TMPRSS11F: variants seen among roughly 807,000 people sequenced by gnomAD.
TMPRSS11F encodes transmembrane serine protease 11F.
A neutral mutation model predicts 60.2 loss-of-function variants in TMPRSS11F; 47 were observed. The ratio of observed to expected loss-of-function variants is 0.78; its 90% CI spans 0.62 to 1.00. TMPRSS11F has a LOEUF of 1.00. TMPRSS11F is among the 50% of genes least tolerant of loss of function. TMPRSS11F has a pLI of 0.00. For synonymous variants in TMPRSS11F, 166 were observed against 167.3 expected, an observed-to-expected ratio of 0.99 and a Z score of 0.06; for missense variants, 519 against 522.9, an observed-to-expected ratio of 0.99 and a Z score of 0.07.
intron 8 of TMPRSS11F, chr4:68,062,267 T>C (rs1723199336): frequency 2.4e-6 from 1 of 422,986 alleles, no homozygotes. Context: ...TAAAATTAAC[T>C]TCAAATCAAA....
At chr4:68,129,771 C>T in intron 1 of TMPRSS11F, 39 bp downstream of exon 1, 1 of 1,605,860 alleles carries the variant, frequency 6.2e-7, no homozygotes, top group South Asian at 1.1e-5. Context: ...AACCTCTGTC[C>T]CCACTGATAA....
At chr4:68,075,594 T>G (rs1359800276) in intron 3 of TMPRSS11F, among the ~76,000 whole-genome samples, 1 of 152,154 alleles carries the variant, frequency 6.6e-6, no homozygotes, top group Non-Finnish European at 1.5e-5. Flanking sequence ...TAATATATAC[T>G]CAGTGACAAG....
intron 6 of TMPRSS11F, 58 bp downstream of exon 6, chr4:68,069,911 C>CT (rs1283358726): frequency 1.4e-6 from 2 of 1,432,738 alleles, no homozygotes; most frequent in Admixed American, 2.2e-5. Context: ...TTTTCTATAA[C>CT]TTTTTTCATG....
At chr4:68,056,771 T>C (rs910758507) in intron 9 of TMPRSS11F, among the ~76,000 whole-genome samples, 2 of 152,148 alleles carry the variant, frequency 1.3e-5, no homozygotes, top group Admixed American at 1.3e-4. Context: ...GGCCTTATAC[T>C]ACCTGGTTTC....
chr4:68,100,197 T>G (rs1724162185), intron 1 of TMPRSS11F, among the ~76,000 whole-genome samples: 1 of 152,190 alleles, frequency 6.6e-6, no homozygotes, highest in Non-Finnish European at 1.5e-5. Context: ...TGTTCAAGAT[T>G]GCAAGTCTTT....
At chr4:68,085,463 AT>A (rs1267578344) in intron 3 of TMPRSS11F, among the ~76,000 whole-genome samples, 1 of 152,136 alleles carries the variant, frequency 6.6e-6, no homozygotes, top group East Asian at 1.9e-4. Context: ...AGTGGTTTTG[AT>A]TTGCATTTAA....
Position 68,069,955 on chromosome 4 carries a change from G to A in TMPRSS11F, c.553+14C>T, listed in dbSNP as rs770470965. 1.7e-5 allele frequency: 27 copies of A among 1,591,752 alleles called. No individual in the cohort carries two copies. The highest frequency in any genetic ancestry group is 2.3e-5 in the Non-Finnish European group (27 of 1,167,956). ...CTGTGAAATAAACAGTTAATTGTGG[G>A]TTTTGGAACTTACGACTGTTGAGAA... is the stretch of plus-strand genomic sequence containing the variant. On this transcript the variant is annotated intron_variant, in intron 6 of 9. Transcript: ENST00000356291.
At chr4:68,111,970 CTTAA>C (rs1724417410) in intron 1 of TMPRSS11F, among the ~76,000 whole-genome samples, 1 of 152,150 alleles carries the variant, frequency 6.6e-6, no homozygotes, top group Non-Finnish European at 1.5e-5. Flanking sequence ...TATGTACTTA[CTTAA>C]TTATCACAAT....
chr4:68,106,250 G>T (rs1577931690), intron 1 of TMPRSS11F, among the ~76,000 whole-genome samples: 2 of 152,158 alleles, frequency 1.3e-5, no homozygotes, highest in Non-Finnish European at 2.9e-5. Context: ...ATGGCAGTGG[G>T]ATTCCCTTTG....
At chr4:68,106,585 T>A (rs908964231) in intron 1 of TMPRSS11F, among the ~76,000 whole-genome samples, 7 of 152,046 alleles carry the variant, frequency 4.6e-5, no homozygotes, top group Admixed American at 2.0e-4. Context: ...ATTGGCAAAG[T>A]GGTGGGAAAC....
intron 3 of TMPRSS11F, among the ~76,000 whole-genome samples, chr4:68,074,940 A>G (rs1723553089): frequency 6.6e-6 from 1 of 152,236 alleles, no homozygotes; most frequent in Non-Finnish European, 1.5e-5. Context: ...TACCAAAAAT[A>G]CAAAAATCAG....
chr4:68,056,690 T>C (rs1025467999), intron 9 of TMPRSS11F, among the ~76,000 whole-genome samples: 4 of 149,148 alleles, frequency 2.7e-5, no homozygotes, highest in Non-Finnish European at 5.9e-5. Context: ...AAACAATCCT[T>C]AAATCCATAT....
At chr4:68,117,135 T>C (rs759368609) in intron 1 of TMPRSS11F, among the ~76,000 whole-genome samples, 15 of 140,564 alleles carry the variant, frequency 1.1e-4, no homozygotes, top group Non-Finnish European at 6.2e-5. Flanking sequence ...AAGGAACTCC[T>C]ACAACTCAAT....
chr4:68,080,357 T>A (rs973483419), intron 3 of TMPRSS11F: 2 of 152,248 alleles, frequency 1.3e-5, no homozygotes, highest in African/African-American at 2.4e-5. Context: ...TAAATGATAA[T>A]GAGTTGTGAG....
At chr4:68,072,199 TTA>T (rs58878382) in intron 5 of TMPRSS11F, 122 bp downstream of exon 5, 223 of 91,316 alleles carry the variant, frequency 2.4e-3, no homozygotes, top group Middle Eastern at 0.016. Context: ...TGCTGAGATT[TTA>T]TATATATATA....
chr4:68,118,097 A>G (rs1488768605), intron 1 of TMPRSS11F, among the ~76,000 whole-genome samples: 2 of 152,246 alleles, frequency 1.3e-5, no homozygotes, highest in African/African-American at 4.8e-5. Context: ...ATACCAAAGT[A>G]GAAAGACAGA....
intron 3 of TMPRSS11F, among the ~76,000 whole-genome samples, chr4:68,078,484 A>C (rs1723632381): frequency 6.6e-6 from 1 of 152,168 alleles, no homozygotes; most frequent in South Asian, 2.1e-4. Flanking sequence ...CTCACTCTAC[A>C]CTATGAACTG....
Position 68,054,017 on chromosome 4 carries a change from A to T in TMPRSS11F, c.1209T>A (p.Ile403=). The change falls in exon 10 of 10, where the codon ATT becomes ATA. Residue 403 remains isoleucine, a synonymous_variant. Coordinates refer to ENST00000356291, the MANE Select transcript of TMPRSS11F (RefSeq NM_207407.2). ...ATTGTCCCCAACTTACTATACCTAC[A>T]ATGTACCAGATGTCATGATTATCAT... ...LVYDNHDIWY[I]VGIVSWGQSC... is the part of the protein sequence containing the mutation. 1 of 1,613,498 alleles carries T rather than the reference A, an allele frequency of 6.2e-7. No homozygotes were observed. Among genetic ancestry groups the T allele is most frequent in the Non-Finnish European group, 8.5e-7 (1 of 1,179,524 alleles).
At chr4:68,054,248 T>C (rs1354909314) in intron 9 of TMPRSS11F, among the ~76,000 whole-genome samples, 181 bp from the exon 10 acceptor site, 2 of 152,140 alleles carry the variant, frequency 1.3e-5, no homozygotes, top group African/African-American at 2.4e-5. Context: ...GCATTGTTTT[T>C]CATAGGAAGG....
Sources: allele counts gnomAD v4.1 joint callset (sites outside exome capture counted in the v4.1 genomes callset), GRCh38; gene constraint gnomAD v4.1.1; transcripts MANE v1.5; gene names NCBI Gene and HGNC (gene_info 2026-07-23, HGNC 2026-07-21).